Variants in EIF2AK2 observed in about 807,000 individuals in gnomAD.
EIF2AK2 encodes the protein eukaryotic translation initiation factor 2 alpha kinase 2.
A neutral mutation model predicts 70.5 loss-of-function variants in EIF2AK2; 40 were observed. The observed-to-expected ratio is 0.57, with a 90% CI of 0.44 to 0.74. The LOEUF is 0.74. EIF2AK2 is among the 30% of genes least tolerant of loss of function. The probability of loss-of-function intolerance (pLI) is 0.00; values close to 1 mark genes in which losing one functional copy is unlikely to be tolerated. For synonymous variants in EIF2AK2, 198 were observed against 220.9 expected (o/e 0.90, Z 0.92); for missense variants, 555 against 644.3 (o/e 0.86, Z 1.50).
intron 14 of EIF2AK2, among the ~76,000 whole-genome samples, chr2:37,111,878 A>AAAAAAAATAT (rs1553335064): frequency 1.4e-5 from 1 of 69,130 alleles, no homozygotes; most frequent in African/African-American, 6.2e-5. Context: ...AAAAAAAAAA[A>AAAAAAAATAT]ATATATATAT....
chr2:37,112,281 G>C (rs1329891914), intron 14 of EIF2AK2, among the ~76,000 whole-genome samples: 1 of 152,148 alleles, frequency 6.6e-6, no homozygotes, highest in Non-Finnish European at 1.5e-5. Flanking sequence ...CTTGTCATGT[G>C]AGCAAGAAAT....
chr2:37,109,081 A>T, intron 15 of EIF2AK2, 113 bp downstream of exon 15: 1 of 810,000 alleles, frequency 1.2e-6, no homozygotes, highest in Non-Finnish European at 1.9e-6. Flanking sequence ...GCAGTCAGAT[A>T]CTAATATGCT....
At chr2:37,123,905 C>A (rs1006394116) in intron 11 of EIF2AK2, among the ~76,000 whole-genome samples, 5 of 151,580 alleles carry the variant, frequency 3.3e-5, no homozygotes, top group Non-Finnish European at 7.4e-5. Flanking sequence ...AAGTATATGA[C>A]ACAAATTTGC....
rs759238386 is a variant in EIF2AK2, at chr2:37,115,329, TG to T, written c.1249-471del. 4.7e-4 allele frequency: 72 copies of T among 153,490 alleles called. 1 individual carries two copies. Among genetic ancestry groups the T allele is most frequent in the Non-Finnish European group, 4.4e-4 (31 of 70,670 alleles). The allele number at this position is 153,490 out of a possible 1,614,324, so 9.5% of individuals were successfully genotyped here. A position where few individuals can be genotyped will look rare whatever the true frequency, so the allele number is the denominator to read the frequency against. On this transcript the variant is annotated intron_variant, in intron 13 of 16. Coordinates refer to ENST00000233057, the MANE Select transcript of EIF2AK2 (RefSeq NM_001135651.3). ...CACCCACCTTGGCCTCCCAAAGTGC[TG>T]GGATTACAGGCATGAGCCACCACGC...
At position 37,102,390 on chromosome 2, in the gene EIF2AK2, T is replaced by C. The variant is rs1197624651; in HGVS notation, c.*4883A>G. 1.3e-5 allele frequency: 2 copies of C among 152,142 alleles called. No individual in the cohort carries two copies. The highest frequency in any genetic ancestry group is 2.4e-5 in the African/African-American group (1 of 41,418). 9.4% of individuals were successfully genotyped at this position (152,142 alleles called of 1,614,324 possible). On this transcript the variant is annotated 3_prime_UTR_variant, in exon 17 of 17. Transcript: ENST00000233057. ...TTCTATTTTTGTGTATGTTTGAACA[T>C]AAAGAAATGTATGAATAATATTGAA...
intron 4 of EIF2AK2, among the ~76,000 whole-genome samples, chr2:37,142,887 T>C (rs1164612999): frequency 1.3e-5 from 2 of 152,184 alleles, no homozygotes; most frequent in Non-Finnish European, 2.9e-5. Context: ...TCTCTCTAGA[T>C]GCTTATAAAA....
At chr2:37,141,488 G>A (rs1675329011) in intron 5 of EIF2AK2, 65 bp downstream of exon 5, 16 of 1,566,058 alleles carry the variant, frequency 1.0e-5, no homozygotes, top group Middle Eastern at 1.7e-4. Flanking sequence ...AATTAGACAC[G>A]AAAATAAACC....
At chr2:37,136,661 G>T in intron 9 of EIF2AK2, 1 of 174,520 alleles carries the variant, frequency 5.7e-6, no homozygotes, top group Non-Finnish European at 1.2e-5. Context: ...AACCTTACTT[G>T]TCTGCAAAAT....
At chr2:37,131,919 T>C (rs761262307) in intron 10 of EIF2AK2, among the ~76,000 whole-genome samples, 5 of 152,166 alleles carry the variant, frequency 3.3e-5, no homozygotes, top group Non-Finnish European at 7.3e-5. Context: ...CCACCAATTC[T>C]AAATATGTTT....
At chr2:37,120,212 TA>T in intron 12 of EIF2AK2, 73 bp from the exon 13 acceptor site, 1 of 1,036,734 alleles carries the variant, frequency 9.6e-7, no homozygotes. Context: ...TATAACTTTT[TA>T]AAGTTTTTCA....
At chr2:37,140,796 T>C (rs1459237268) in intron 5 of EIF2AK2, among the ~76,000 whole-genome samples, 4 of 152,272 alleles carry the variant, frequency 2.6e-5, no homozygotes, top group African/African-American at 7.2e-5. Context: ...TCAAAAGCCA[T>C]GACTGTAAAT....
rs1673788065 is a variant in EIF2AK2, at chr2:37,100,058, T to C, written c.*7215A>G. On this transcript the variant is annotated 3_prime_UTR_variant, in exon 17 of 17. Coordinates refer to ENST00000233057, the MANE Select transcript of EIF2AK2 (RefSeq NM_001135651.3). ...AAAATGATAGTTGCACAACTCTGAA[T>C]ATAGTAAACACTACTGAATTGTATA... 6.6e-6 allele frequency: 1 copy of C among 152,176 alleles called. No homozygotes were observed. The highest frequency in any genetic ancestry group is 2.4e-5 in the African/African-American group (1 of 41,434). The allele number at this position is 152,176 out of a possible 1,614,324, so 9.4% of individuals were successfully genotyped here.
At chr2:37,154,461 G>C (rs892953767) in intron 1 of EIF2AK2, among the ~76,000 whole-genome samples, 1 of 152,110 alleles carries the variant, frequency 6.6e-6, no homozygotes, top group Non-Finnish European at 1.5e-5. Flanking sequence ...TCAGTTCTTA[G>C]TCCTTCTCTA....
chr2:37,133,440 A>G (rs928161575), intron 10 of EIF2AK2, among the ~76,000 whole-genome samples: 1 of 152,132 alleles, frequency 6.6e-6, no homozygotes, highest in African/African-American at 2.4e-5. Context: ...CAGTCAGGAA[A>G]CTGGGTTCTG....
rs202037583 is a variant in EIF2AK2, at chr2:37,107,513, T to C, written c.1494A>G (p.Leu498=). The C allele has an allele frequency of 1.8e-5, 29 of 1,611,804 alleles. No homozygotes were observed. Among genetic ancestry groups the C allele is most frequent in the Non-Finnish European group, 2.3e-5 (27 of 1,179,558 alleles). The change falls in exon 16 of 17, where the codon CTA becomes CTG. Residue 498 remains leucine, a synonymous_variant. Coordinates refer to ENST00000233057, the MANE Select transcript of EIF2AK2 (RefSeq NM_001135651.3). ...AFETSKFFTD[L]RDGIISDIFD... is the part of the protein sequence containing the mutation. ...ATATATCTGAGATGATGCCATCCCG[T>C]AGGTCTGTGAAAAACTGGAAAAAAA...
chr2:37,148,090 G>T (rs1275499706), intron 2 of EIF2AK2, among the ~76,000 whole-genome samples: 1 of 152,076 alleles, frequency 6.6e-6, no homozygotes, highest in African/African-American at 2.4e-5. Flanking sequence ...AGCCAAGGTG[G>T]GCGGATCACC....
intron 14 of EIF2AK2, among the ~76,000 whole-genome samples, chr2:37,110,059 G>A (rs1054202154): frequency 1.3e-5 from 2 of 150,976 alleles, no homozygotes; most frequent in African/African-American, 4.9e-5. Context: ...TGTATAAATT[G>A]TTCCTCAACA....
Position 37,122,621 on chromosome 2 carries a change from C to A in EIF2AK2, c.952G>T (p.Val318Leu). ...CAGCCATTGTAGTGAACAATATTTA[C>A]ATGATCAAGTTTTGCCAATGCTTTT... ...EVKALAKLDH[V>L]NIVHYNGCWD... The change falls in exon 12 of 17, where the codon GTA becomes TTA. Residue 318 changes from valine to leucine, a missense_variant. Physicochemically the swap from Val to Leu is conservative, Grantham distance 32. Around this residue, in one of 3 missense-constraint regions of EIF2AK2, gnomAD observed 299 missense variants for 375.4 expected, o/e 0.80. Coordinates refer to ENST00000233057, the MANE Select transcript of EIF2AK2 (RefSeq NM_001135651.3). 1 of 1,614,176 alleles carries A rather than the reference C, an allele frequency of 6.2e-7. No homozygotes were observed. Among genetic ancestry groups the A allele is most frequent in the Non-Finnish European group, 8.5e-7 (1 of 1,180,046 alleles).
chr2:37,146,485 C>T (rs904639137), intron 4 of EIF2AK2, among the ~76,000 whole-genome samples: 2 of 152,216 alleles, frequency 1.3e-5, no homozygotes, highest in African/African-American at 4.8e-5. Context: ...ATTCTCCCTA[C>T]AATCACTTTC....
Sources: gnomAD v4.1 joint callset for allele counts (sites outside exome capture counted in the v4.1 genomes callset) on GRCh38, gnomAD v4.1.1 for gene constraint, gnomAD v4.1.1 regional missense constraint, MANE v1.5 for transcripts, NCBI Gene and HGNC (gene_info 2026-07-23, HGNC 2026-07-21) for gene names.